RBCK1: variants seen among roughly 807,000 people sequenced by gnomAD.
RBCK1 encodes RANBP2-type and C3HC4-type zinc finger containing 1.
In RBCK1, 44 loss-of-function variants were observed where a neutral mutation model predicts 71.1. That is an observed-to-expected ratio of 0.62 (90% CI 0.49 to 0.80). The LOEUF (loss-of-function observed/expected upper bound fraction) is 0.80. Ranked by LOEUF, RBCK1 falls within the 30% of genes least tolerant of loss-of-function variation. The pLI, the probability that RBCK1 is intolerant of heterozygous loss-of-function variation, is 0.00. For synonymous variants in RBCK1, 306 were observed against 279.7 expected, an observed-to-expected ratio of 1.09 and a Z score of -0.94; for missense variants, 569 against 685.0, an observed-to-expected ratio of 0.83 and a Z score of 1.89.
intron 2 of RBCK1, among the ~76,000 whole-genome samples, chr20:414,259 A>G (rs968703660): frequency 1.3e-5 from 2 of 152,078 alleles, no homozygotes; most frequent in Non-Finnish European, 2.9e-5. Context: ...AAAAATAAAA[A>G]AAATTAGCCA....
intron 8 of RBCK1, among the ~76,000 whole-genome samples, chr20:423,326 A>G (rs985529371): frequency 2.6e-5 from 4 of 152,126 alleles, no homozygotes; most frequent in Non-Finnish European, 5.9e-5. Context: ...TATTTAGAGT[A>G]GTGCTTGTCA....
rs369471646 is a variant in RBCK1, at chr20:422,116, C to T, written c.918-11C>T. The T allele has an allele frequency of 6.4e-5, 102 of 1,606,270 alleles. No homozygotes were observed. The African/African-American group carries it at 9.5e-4, about 15-fold the overall frequency. ...CTATGATCCTAACTCTTTTCCCCTC[C>T]CCTCCCCTAGGGAGTGCCTGCAGGG... On this transcript the variant is annotated splice_polypyrimidine_tract_variant and intron_variant, in intron 7 of 11. Transcript: ENST00000356286. The surrounding 1 kb of genome is among the most constrained non-coding windows in gnomAD (Gnocchi z 5.0).
chr20:418,576 G>A (rs571159196), intron 4 of RBCK1, among the ~76,000 whole-genome samples: 11 of 152,206 alleles, frequency 7.2e-5, no homozygotes, highest in African/African-American at 1.7e-4. Flanking sequence ...CACCGTGTTA[G>A]CCAGGATGGT....
chr20:419,496 C>T (rs2016233262), intron 5 of RBCK1, 28 bp downstream of exon 5: 2 of 1,603,592 alleles, frequency 1.2e-6, no homozygotes, highest in Non-Finnish European at 1.7e-6. Context: ...TCAGTATCCT[C>T]TTCTGTGCCC....
intron 8 of RBCK1, among the ~76,000 whole-genome samples, 199 bp from the exon 9 acceptor site, chr20:427,114 C>A (rs1372835004): frequency 6.6e-6 from 1 of 152,082 alleles, no homozygotes; most frequent in East Asian, 1.9e-4. Context: ...GCTGGGATTA[C>A]AAGTGTAAGC....
chr20:410,196 G>A (rs2015620908), intron 2 of RBCK1, among the ~76,000 whole-genome samples, 171 bp downstream of exon 2: 1 of 152,204 alleles, frequency 6.6e-6, no homozygotes, highest in African/African-American at 2.4e-5. Context: ...ACCTCTCAGT[G>A]TGTCCTCATT....
intron 11 of RBCK1, among the ~76,000 whole-genome samples, chr20:429,305 C>T (rs1191625434): frequency 4.6e-5 from 7 of 151,832 alleles, no homozygotes; most frequent in African/African-American, 1.7e-4. Flanking sequence ...CAGCTCACTG[C>T]AACCTCTGCC....
chr20:423,794 G>A (rs1016324749), intron 8 of RBCK1, among the ~76,000 whole-genome samples: 1 of 152,166 alleles, frequency 6.6e-6, no homozygotes, highest in East Asian at 1.9e-4. Context: ...GCAGGGCCTC[G>A]CTGATTTCAC....
chr20:428,956 G>A lies in RBCK1; in HGVS notation c.1314G>A (p.Met438Ile). Reference protein sequence around the residue: ...ARQTTEMLKVMLQQGEAMRCP... With the variant: ...ARQTTEMLKVILQQGEAMRCP... ...CAGCACCTGCCCCACTCCAGGTGAT[G>A]CTGCAGCAGGGCGAGGCCATGCGCT... The change falls in exon 11 of 12, where the codon ATG (methionine) becomes ATA (isoleucine). Residue 438 changes from methionine to isoleucine, a missense_variant. Met to Ile is a conservative substitution (Grantham distance 10). Coordinates refer to ENST00000356286, the MANE Select transcript of RBCK1 (RefSeq NM_031229.4). The surrounding 1 kb of genome is among the most constrained non-coding windows in gnomAD (Gnocchi z 5.7). The A allele has an allele frequency of 6.2e-7, 1 of 1,607,736 alleles. No homozygotes were observed. Among genetic ancestry groups the A allele is most frequent in the Non-Finnish European group, 8.5e-7 (1 of 1,179,084 alleles).
rs990857986 is a variant in RBCK1 at position 422,676 on chromosome 20, C to T, written c.1029+438C>T. Among the ~76,000 whole-genome samples, 7 of 152,136 alleles carry T rather than the reference C, an allele frequency of 4.6e-5. No individual in the cohort carries two copies. Among genetic ancestry groups the T allele is most frequent in the Admixed American group, 3.9e-4 (6 of 15,272 alleles). ...AAAAAATATTCAAAAAATAGCCAGG[C>T]GCGGGGGCATGCGCCTGTAGTCCTA... is the stretch of plus-strand genomic sequence containing the variant. On this transcript the variant is annotated intron_variant, in intron 8 of 11. Transcript: ENST00000356286. The surrounding 1 kb of genome is among the most constrained non-coding windows in gnomAD (Gnocchi z 5.0).
chr20:419,883 C>A (rs1190642455), intron 6 of RBCK1, 152 bp downstream of exon 6: 1 of 1,410,418 alleles, frequency 7.1e-7, no homozygotes, highest in African/African-American at 1.5e-5. Flanking sequence ...CTGGCTGTGA[C>A]CCTGCACCTG....
chr20:421,125 C>T lies in RBCK1; in HGVS notation c.917+94C>T, dbSNP rs184671150. On this transcript the variant is annotated intron_variant, in intron 7 of 11. Coordinates refer to ENST00000356286, the MANE Select transcript of RBCK1 (RefSeq NM_031229.4). ...TGGGTGGGGCCCTGTGCTCTGATAC[C>T]TCATTGGACGCCCGCGAAAACCTAC... 2.4e-5 allele frequency: 34 copies of T among 1,393,748 alleles called. 1 individual carries two copies. Among genetic ancestry groups the T allele is most frequent in the East Asian group, 2.3e-4 (9 of 38,344 alleles). 86.3% of individuals were successfully genotyped at this position (1,393,748 alleles called of 1,614,324 possible).
At chr20:427,161 G>C (rs2016770347) in intron 8 of RBCK1, 152 bp from the exon 9 acceptor site, 2 of 708,814 alleles carry the variant, frequency 2.8e-6, no homozygotes, top group Admixed American at 5.9e-5. Context: ...TTTGAATGGA[G>C]TTTTTCAACA....
chr20:429,125 G>A, intron 11 of RBCK1, 31 bp downstream of exon 11: 2 of 1,593,540 alleles, frequency 1.3e-6, no homozygotes, highest in Non-Finnish European at 1.7e-6. Context: ...GTGTGGAGAG[G>A]GTGCCCTTGT....
At chr20:419,773 G>T (rs765533753) in intron 6 of RBCK1, 42 bp downstream of exon 6, 16 of 1,519,234 alleles carry the variant, frequency 1.1e-5, no homozygotes, top group Admixed American at 2.0e-5. Flanking sequence ...CAGACCGCAC[G>T]GGGGAGGTGT....
At chr20:425,270 C>A (rs2016648093) in intron 8 of RBCK1, among the ~76,000 whole-genome samples, 1 of 152,202 alleles carries the variant, frequency 6.6e-6, no homozygotes, top group African/African-American at 2.4e-5. Flanking sequence ...CTCGGCCTCC[C>A]AAAGTGCTAG....
chr20:428,921 G>A lies in RBCK1; in HGVS notation c.1309-30G>A, dbSNP rs149373416. The A allele has an allele frequency of 2.7e-3, 4,236 of 1,583,714 alleles. 89 individuals are homozygous for A. In the African/African-American group the frequency reaches 0.045, roughly 17 times the overall value. On this transcript the variant is annotated intron_variant, in intron 10 of 11. Coordinates refer to ENST00000356286, the MANE Select transcript of RBCK1 (RefSeq NM_031229.4). The surrounding 1 kb of genome is among the most constrained non-coding windows in gnomAD (Gnocchi z 5.7). ...CAGGCTGGGTGACTGCCCCAGCCCC[G>A]CCCCAGGGCCAGCACCTGCCCCACT... is the stretch of plus-strand genomic sequence containing the variant.
chr20:414,025 G>T (rs965781592), intron 2 of RBCK1, among the ~76,000 whole-genome samples: 19 of 150,812 alleles, frequency 1.3e-4, no homozygotes, highest in Admixed American at 1.1e-3. Context: ...GTGTGTCTAA[G>T]TTCTTGCTCG....
Position 428,707 on chromosome 20 carries a change from T to C in RBCK1, c.1308+118T>C, listed in dbSNP as rs968144277. 3.0e-6 allele frequency: 4 copies of C among 1,355,894 alleles called. No individual in the cohort carries two copies. The African/African-American group carries it at 5.9e-5, about 20-fold the overall frequency. 84.0% of individuals were successfully genotyped at this position (1,355,894 alleles called of 1,614,324 possible). On this transcript the variant is annotated intron_variant, in intron 10 of 11. Transcript: ENST00000356286. This position sits in a 1 kb window ranked among gnomAD's most constrained non-coding sequence, Gnocchi z 5.7. ...TCCCTGGAGGCTCTGACCTCCCTTC[T>C]GGCTGTCACTCCCATCCGGAGGTGG...
Sources: gnomAD v4.1 joint callset for allele counts (sites outside exome capture counted in the v4.1 genomes callset) on GRCh38, gnomAD v4.1.1 for gene constraint, Gnocchi (gnomAD v3.1) non-coding constraint, MANE v1.5 for transcripts, NCBI Gene and HGNC (gene_info 2026-07-23, HGNC 2026-07-21) for gene names.